The following EPM2A variants were observed in gnomAD, a reference collection of about 807,000 sequenced individuals.
EPM2A encodes EPM2A glucan phosphatase, laforin.
A neutral mutation model predicts 26.5 loss-of-function variants in EPM2A; 21 were observed. The observed-to-expected ratio is 0.79, with a 90% confidence interval of 0.56 to 1.14. EPM2A has a LOEUF of 1.14. Ranked by LOEUF, EPM2A falls within the 50% of genes most tolerant of loss-of-function variation. The probability of loss-of-function intolerance (pLI) is 0.00; values close to 1 mark genes in which losing one functional copy is unlikely to be tolerated. For missense variants in EPM2A, 458 were observed against 440.8 expected (o/e 1.04, Z -0.35); for synonymous variants, 217 against 177.6 (o/e 1.22, Z -1.76).
At chr6:145,592,811 T>C (rs1456181304) in intron 2 of EPM2A, among the ~76,000 whole-genome samples, 1 of 151,218 alleles carries the variant, frequency 6.6e-6, no homozygotes, top group Non-Finnish European at 1.5e-5. Flanking sequence ...TAATGATACA[T>C]TAAGAGAGGA....
At chr6:145,584,868 T>C (rs1008029110) in intron 2 of EPM2A, among the ~76,000 whole-genome samples, 15 of 152,176 alleles carry the variant, frequency 9.9e-5, no homozygotes, top group African/African-American at 3.6e-4. Flanking sequence ...AATGTCCTGG[T>C]CCCTCCATGG....
At chr6:145,711,806 C>CA (rs35388822) in intron 1 of EPM2A, among the ~76,000 whole-genome samples, 4 of 150,988 alleles carry the variant, frequency 2.6e-5, no homozygotes, top group East Asian at 1.9e-4. Context: ...CATTTTTCCT[C>CA]AAAAAAAAAT....
At chr6:145,402,093 T>C (rs1255503589) in intron 4 of EPM2A, among the ~76,000 whole-genome samples, 1 of 152,076 alleles carries the variant, frequency 6.6e-6, no homozygotes, top group Non-Finnish European at 1.5e-5. Context: ...AATCTGAAAT[T>C]ACCTCTCCCA....
chr6:145,706,714 T>C (rs2128629236), intron 1 of EPM2A, among the ~76,000 whole-genome samples: 1 of 152,342 alleles, frequency 6.6e-6, no homozygotes, highest in South Asian at 2.1e-4. Context: ...GTTAGTGTTG[T>C]GTATTAATAA....
intron 4 of EPM2A, among the ~76,000 whole-genome samples, chr6:145,403,711 G>C (rs1399257712): frequency 6.6e-6 from 1 of 152,102 alleles, no homozygotes. Context: ...ATTATAAACA[G>C]TGTTGCAACA....
chr6:145,494,162 C>T (rs1779789483), intron 4 of EPM2A, among the ~76,000 whole-genome samples: 1 of 152,152 alleles, frequency 6.6e-6, no homozygotes, highest in Non-Finnish European at 1.5e-5. Flanking sequence ...AATTTCTGAA[C>T]TCATTATTGG....
At chr6:145,621,889 T>C (rs949757603), downstream of EPM2A, among the ~76,000 whole-genome samples, 2 of 152,174 alleles carry the variant, frequency 1.3e-5, no homozygotes, top group Admixed American at 6.6e-5. Context: ...ATTGTGTAGG[T>C]TGCCTTTTCA....
chr6:145,461,028 A>G (rs940215020), intron 4 of EPM2A, among the ~76,000 whole-genome samples: 5 of 152,164 alleles, frequency 3.3e-5, no homozygotes, highest in Admixed American at 1.3e-4. Flanking sequence ...AAATACTTTG[A>G]CTGAATTATG....
intron 2 of EPM2A, among the ~76,000 whole-genome samples, chr6:145,557,319 T>C (rs1051887670): frequency 3.3e-5 from 5 of 152,074 alleles, no homozygotes; most frequent in African/African-American, 7.2e-5. Flanking sequence ...ATTTGCATGA[T>C]AGTTACACTA....
intron 2 of EPM2A, among the ~76,000 whole-genome samples, chr6:145,669,333 GA>G (rs1188114920): frequency 6.6e-6 from 1 of 152,148 alleles, no homozygotes; most frequent in Non-Finnish European, 1.5e-5. Flanking sequence ...TATGCATTTT[GA>G]CTACTGGTTT....
At chr6:145,523,928 C>A (rs938964832) in intron 2 of EPM2A, among the ~76,000 whole-genome samples, 5 of 152,068 alleles carry the variant, frequency 3.3e-5, no homozygotes, top group African/African-American at 1.2e-4. Flanking sequence ...AGCCCTTGTC[C>A]CCATCTCTGT....
intron 4 of EPM2A, among the ~76,000 whole-genome samples, chr6:145,415,790 C>T (rs1562326199): frequency 6.6e-6 from 1 of 152,214 alleles, no homozygotes; most frequent in South Asian, 2.1e-4. Flanking sequence ...CTCCCACCAG[C>T]TTTGTTGCTG....
chr6:145,493,282 C>G (rs956348390), intron 4 of EPM2A, among the ~76,000 whole-genome samples: 1 of 152,178 alleles, frequency 6.6e-6, no homozygotes, highest in Admixed American at 6.5e-5. Flanking sequence ...TGATTTGGCT[C>G]TCAGCTTAAC....
chr6:145,439,537 G>A (rs1448161061), intron 4 of EPM2A, among the ~76,000 whole-genome samples: 1 of 152,030 alleles, frequency 6.6e-6, no homozygotes. Flanking sequence ...ATCTCATCAT[G>A]GTTTTGATTT....
chr6:145,466,190 T>C (rs1779390658), intron 4 of EPM2A, among the ~76,000 whole-genome samples: 1 of 150,000 alleles, frequency 6.7e-6, no homozygotes, highest in Admixed American at 6.6e-5. Flanking sequence ...AAAACTACCA[T>C]CAGAGTGAAC....
intron 1 of EPM2A, among the ~76,000 whole-genome samples, chr6:145,690,426 C>T (rs894908649): frequency 6.8e-6 from 1 of 146,838 alleles, no homozygotes; most frequent in African/African-American, 2.5e-5. Flanking sequence ...AGGAGAATGG[C>T]GTGAACCCGG....
intron 4 of EPM2A, among the ~76,000 whole-genome samples, chr6:145,453,491 GA>G (rs1002305722): frequency 1.3e-3 from 188 of 149,904 alleles, no homozygotes; most frequent in African/African-American, 4.1e-3. Context: ...TAAACCAAAA[GA>G]AAAAAAAACC....
At chr6:145,478,254 C>A (rs1023019918) in intron 4 of EPM2A, among the ~76,000 whole-genome samples, 1 of 151,572 alleles carries the variant, frequency 6.6e-6, no homozygotes, top group Admixed American at 6.6e-5. Flanking sequence ...AACTATAAAA[C>A]CCTGATGAAG....
intron 4 of EPM2A, among the ~76,000 whole-genome samples, chr6:145,397,945 T>A (rs1778428402): frequency 1.3e-5 from 2 of 152,174 alleles, no homozygotes; most frequent in Non-Finnish European, 1.5e-5. Context: ...CTGAGATGAA[T>A]TTTTATACTC....
Sources: allele counts gnomAD v4.1 joint callset (sites outside exome capture counted in the v4.1 genomes callset), GRCh38; gene constraint gnomAD v4.1.1; transcripts MANE v1.5; gene names NCBI Gene and HGNC (gene_info 2026-07-23, HGNC 2026-07-21).